Variants in IMMP2L observed in about 807,000 individuals in gnomAD.
IMMP2L encodes inner mitochondrial membrane peptidase subunit 2.
In IMMP2L, 18 loss-of-function variants were observed where a neutral mutation model predicts 19.3. That is an observed-to-expected ratio of 0.93 (90% CI 0.64 to 1.38). The LOEUF (loss-of-function observed/expected upper bound fraction) is 1.38, where lower values mean the gene tolerates loss of function less well. Among genes scored for constraint, IMMP2L ranks in the 40% most tolerant of loss-of-function variants. The pLI, the probability that IMMP2L is intolerant of heterozygous loss-of-function variation, is 0.00. For synonymous variants in IMMP2L, 76 were observed against 73.0 expected (o/e 1.04, Z -0.21); for missense variants, 233 against 218.2 (o/e 1.07, Z -0.43).
chr7:110,809,602 A>G (rs1215266280), intron 5 of IMMP2L, among the ~76,000 whole-genome samples: 2 of 152,024 alleles, frequency 1.3e-5, no homozygotes, highest in African/African-American at 4.8e-5. Flanking sequence ...CCAAAAGGTA[A>G]TATTACTTTA....
intron 3 of IMMP2L, among the ~76,000 whole-genome samples, chr7:111,240,773 C>T (rs1338318195): frequency 6.6e-6 from 1 of 151,798 alleles, no homozygotes; most frequent in Non-Finnish European, 1.5e-5. Context: ...TAAATTTCTC[C>T]CTGAAGCATA....
At chr7:111,249,410 G>A (rs1427822656) in intron 3 of IMMP2L, among the ~76,000 whole-genome samples, 8 of 145,098 alleles carry the variant, frequency 5.5e-5, no homozygotes, top group South Asian at 4.7e-4. Flanking sequence ...ACTGGCCTGC[G>A]CCCACTGTCT....
At chr7:111,015,105 C>A (rs529882776) in intron 3 of IMMP2L, among the ~76,000 whole-genome samples, 2 of 152,236 alleles carry the variant, frequency 1.3e-5, no homozygotes, top group Admixed American at 6.5e-5. Context: ...TTTTCACACC[C>A]ATGTTCACAG....
intron 3 of IMMP2L, among the ~76,000 whole-genome samples, chr7:111,467,750 GTAAT>G (rs1170078636): frequency 2.0e-5 from 3 of 152,126 alleles, no homozygotes; most frequent in Admixed American, 6.5e-5. Context: ...TTCAAATTAA[GTAAT>G]TAAGTATTTA....
intron 3 of IMMP2L, among the ~76,000 whole-genome samples, chr7:111,050,275 GCC>G (rs1246821251): frequency 8.5e-5 from 13 of 152,260 alleles, no homozygotes; most frequent in African/African-American, 3.1e-4. Context: ...AGATTTTGAA[GCC>G]AAATTCACCA....
chr7:111,251,159 A>C (rs539711068), intron 3 of IMMP2L, among the ~76,000 whole-genome samples: 24 of 152,258 alleles, frequency 1.6e-4, no homozygotes, highest in Admixed American at 3.9e-4. Context: ...GCTCAACATC[A>C]CTCATCATTA....
chr7:110,723,371 T>A (rs1342887078), intron 5 of IMMP2L, among the ~76,000 whole-genome samples: 1 of 152,230 alleles, frequency 6.6e-6, no homozygotes, highest in Non-Finnish European at 1.5e-5. Context: ...GATCCTCCAG[T>A]TGAGATGCAG....
intron 3 of IMMP2L, among the ~76,000 whole-genome samples, chr7:111,009,335 T>A (rs184399781): frequency 6.6e-6 from 1 of 152,234 alleles, no homozygotes; most frequent in Admixed American, 6.6e-5. Flanking sequence ...TAAGCCAAAT[T>A]AATTGTGGAT....
chr7:111,553,742 C>T (rs4446666), intron 1 of IMMP2L, among the ~76,000 whole-genome samples: 1 of 151,986 alleles, frequency 6.6e-6, no homozygotes, highest in African/African-American at 2.4e-5. Context: ...TAAAATATAT[C>T]ATCAAAATGC....
chr7:111,254,784 G>C (rs1448223396), intron 3 of IMMP2L, among the ~76,000 whole-genome samples: 2 of 151,972 alleles, frequency 1.3e-5, no homozygotes, highest in Non-Finnish European at 2.9e-5. Context: ...TGTAACACAA[G>C]TTTTGTATCC....
intron 3 of IMMP2L, among the ~76,000 whole-genome samples, chr7:111,155,111 T>A (rs1184992350): frequency 6.6e-6 from 1 of 152,112 alleles, no homozygotes; most frequent in African/African-American, 2.4e-5. Flanking sequence ...CAAAGACGTA[T>A]GGGTAATAAT....
chr7:110,871,320 C>T (rs1341115704), intron 5 of IMMP2L, among the ~76,000 whole-genome samples: 1 of 152,014 alleles, frequency 6.6e-6, no homozygotes, highest in Non-Finnish European at 1.5e-5. Context: ...CTTAAAAACA[C>T]AGGATCAATT....
intron 5 of IMMP2L, among the ~76,000 whole-genome samples, chr7:110,807,127 T>C (rs1584889667): frequency 6.6e-6 from 1 of 152,146 alleles, no homozygotes; most frequent in East Asian, 1.9e-4. Flanking sequence ...TACTAGAAGA[T>C]AGGTTAAAAC....
At chr7:111,180,208 A>T (rs1433495628) in intron 3 of IMMP2L, among the ~76,000 whole-genome samples, 2 of 152,012 alleles carry the variant, frequency 1.3e-5, no homozygotes, top group Non-Finnish European at 2.9e-5. Context: ...AACTATCTCA[A>T]TTTTTTACAT....
chr7:111,115,024 A>G (rs1799707089), intron 3 of IMMP2L, among the ~76,000 whole-genome samples: 1 of 152,130 alleles, frequency 6.6e-6, no homozygotes, highest in African/African-American at 2.4e-5. Context: ...ACTATGGAAA[A>G]CAAGATGATT....
intron 5 of IMMP2L, among the ~76,000 whole-genome samples, chr7:110,756,229 TG>T (rs1430831848): frequency 1.3e-5 from 2 of 152,020 alleles, no homozygotes; most frequent in Non-Finnish European, 2.9e-5. Context: ...ATTAATCAGA[TG>T]GTACATGAGG....
chr7:110,935,207 C>G (rs1356253974), intron 4 of IMMP2L, among the ~76,000 whole-genome samples: 2 of 152,104 alleles, frequency 1.3e-5, no homozygotes, highest in East Asian at 3.9e-4. Context: ...GACAAAATCT[C>G]TCATCATTTG....
At chr7:111,098,028 A>C (rs2129579291) in intron 3 of IMMP2L, among the ~76,000 whole-genome samples, 1 of 152,012 alleles carries the variant, frequency 6.6e-6, no homozygotes, top group Non-Finnish European at 1.5e-5. Flanking sequence ...GCAACAGAAC[A>C]GAATGGAAAG....
At chr7:110,664,522 T>C (rs937424470) in intron 5 of IMMP2L, among the ~76,000 whole-genome samples, 8 of 152,160 alleles carry the variant, frequency 5.3e-5, no homozygotes, top group African/African-American at 1.9e-4. Flanking sequence ...GACTTAAGGC[T>C]GAGCCCAAAG....
Sources: gnomAD v4.1 joint callset for allele counts (sites outside exome capture counted in the v4.1 genomes callset) on GRCh38, gnomAD v4.1.1 for gene constraint, MANE v1.5 for transcripts, NCBI Gene and HGNC (gene_info 2026-07-23, HGNC 2026-07-21) for gene names.